FAR1: variants seen among roughly 807,000 people sequenced by gnomAD.
FAR1 encodes the protein fatty acyl-CoA reductase 1.
Under a neutral mutation model 61.1 loss-of-function variants are expected in FAR1, and 22 were observed. The observed-to-expected ratio is 0.36, with a 90% CI of 0.26 to 0.51. The LOEUF (loss-of-function observed/expected upper bound fraction) is 0.51. Ranked by LOEUF, FAR1 falls within the 20% of genes least tolerant of loss-of-function variation. FAR1 has a pLI of 0.95. For missense variants in FAR1, 359 were observed against 626.9 expected (o/e 0.57, Z 4.56); for synonymous variants, 206 against 209.7 (o/e 0.98, Z 0.15).
rs1591274601 is a variant in FAR1, at chr11:13,727,691, T to A, written c.1385+8T>A. The A allele has an allele frequency of 6.3e-7, 1 of 1,593,342 alleles. No individual in the cohort carries two copies. Reference sequence around the variant, plus strand: ...CAGAAAACATCTGAACAAGTGAGTTTGATGCATGGATTTGATTGCTTCTTG... The same window carrying A: ...CAGAAAACATCTGAACAAGTGAGTTAGATGCATGGATTTGATTGCTTCTTG... On this transcript the variant is annotated splice_region_variant and intron_variant, in intron 11 of 11. Transcript: ENST00000354817.
At chr11:13,671,849 T>C (rs1383102972) in intron 1 of FAR1, among the ~76,000 whole-genome samples, 1 of 152,180 alleles carries the variant, frequency 6.6e-6, no homozygotes, top group Non-Finnish European at 1.5e-5. Flanking sequence ...GTGTTCAATA[T>C]TGACAAGAAA....
chr11:13,676,384 CT>C (rs960625374), intron 1 of FAR1, among the ~76,000 whole-genome samples: 6 of 152,056 alleles, frequency 3.9e-5, no homozygotes, highest in East Asian at 1.9e-4. Flanking sequence ...GCATAAATAC[CT>C]TTTTTTCCCC....
chr11:13,679,010 G>A lies in FAR1; in HGVS notation c.-8+10204G>A, dbSNP rs1591254533. ...TATGTAGTATATATGTAGTGTTCAG[G>A]GTAAATATGGTATGTTTTCCTATAA... On this transcript the variant is annotated intron_variant, in intron 1 of 11. Coordinates refer to ENST00000354817, the MANE Select transcript of FAR1 (RefSeq NM_032228.6). Among the ~76,000 whole-genome samples the A allele has an allele frequency of 3.3e-5, 5 of 152,110 alleles. No individual in the cohort carries two copies. In the East Asian group the frequency reaches 9.6e-4, roughly 29 times the overall value.
At chr11:13,719,568 A>T (rs1015541514) in intron 9 of FAR1, among the ~76,000 whole-genome samples, 5 of 152,202 alleles carry the variant, frequency 3.3e-5, no homozygotes, top group African/African-American at 7.2e-5. Context: ...GACATTTTTT[A>T]AAAAATGGCT....
chr11:13,724,341 T>C (rs1848646103), intron 10 of FAR1, among the ~76,000 whole-genome samples: 1 of 151,336 alleles, frequency 6.6e-6, no homozygotes, highest in Admixed American at 6.6e-5. Flanking sequence ...AGCTCAGGAG[T>C]TCGAGACCAG....
intron 2 of FAR1, among the ~76,000 whole-genome samples, chr11:13,697,012 T>C (rs1160147021): frequency 1.3e-5 from 2 of 152,212 alleles, no homozygotes. Flanking sequence ...ATCAGCAGCA[T>C]TCCTGGCCTC....
chr11:13,727,879 C>T (rs148685171), intron 11 of FAR1, among the ~76,000 whole-genome samples, 196 bp downstream of exon 11: 5 of 151,968 alleles, frequency 3.3e-5, no homozygotes, highest in African/African-American at 1.2e-4. Flanking sequence ...TATTATCCCT[C>T]TCATGCCTCA....
At chr11:13,683,826 A>ATAT (rs1051890963) in intron 1 of FAR1, among the ~76,000 whole-genome samples, 4 of 152,218 alleles carry the variant, frequency 2.6e-5, no homozygotes, top group African/African-American at 9.6e-5. Context: ...TAATGGTTAG[A>ATAT]TATTCAATTT....
At chr11:13,676,901 A>G (rs1181573188) in intron 1 of FAR1, among the ~76,000 whole-genome samples, 4 of 152,242 alleles carry the variant, frequency 2.6e-5, no homozygotes, top group Non-Finnish European at 5.9e-5. Flanking sequence ...GTAAAAATAC[A>G]GACTGTGAAA....
At chr11:13,711,638 A>G in intron 5 of FAR1, 126 bp from the exon 6 acceptor site, 2 of 723,434 alleles carry the variant, frequency 2.8e-6, no homozygotes, top group Non-Finnish European at 4.8e-6. Flanking sequence ...GCCTGAATCT[A>G]GTCTGTTTTT....
chr11:13,723,398 T>C, intron 10 of FAR1: 1 of 415,604 alleles, frequency 2.4e-6, no homozygotes, highest in Admixed American at 3.1e-5. Context: ...AAAAAAAAAC[T>C]TTTTTATTTA....
At chr11:13,719,655 C>A (rs562888381) in intron 9 of FAR1, among the ~76,000 whole-genome samples, 1 of 152,244 alleles carries the variant, frequency 6.6e-6, no homozygotes, top group East Asian at 1.9e-4. Flanking sequence ...TATTTTTAAT[C>A]TGTGTACTTC....
At chr11:13,710,974 A>G in intron 5 of FAR1, 104 bp downstream of exon 5, 2 of 984,230 alleles carry the variant, frequency 2.0e-6, no homozygotes, top group Non-Finnish European at 3.0e-6. Context: ...ATTATTTACT[A>G]AAGGTGAATT....
chr11:13,672,447 T>C (rs991277205), intron 1 of FAR1, among the ~76,000 whole-genome samples: 7 of 151,314 alleles, frequency 4.6e-5, no homozygotes, highest in African/African-American at 1.7e-4. Flanking sequence ...TCCCAGCTAC[T>C]TGGGGGGCTG....
intron 1 of FAR1, among the ~76,000 whole-genome samples, chr11:13,691,380 G>A (rs1252077531): frequency 1.3e-5 from 2 of 152,138 alleles, no homozygotes; most frequent in African/African-American, 4.8e-5. Context: ...AATTTTGGAG[G>A]GGACACATTC....
chr11:13,714,483 G>A, intron 8 of FAR1, 26 bp from the exon 9 acceptor site: 2 of 1,576,430 alleles, frequency 1.3e-6, no homozygotes, highest in Non-Finnish European at 1.7e-6. Flanking sequence ...TATTATCAAA[G>A]CTGTTACACA....
intron 1 of FAR1, among the ~76,000 whole-genome samples, chr11:13,688,309 C>A (rs530841313): frequency 6.6e-6 from 1 of 151,962 alleles, no homozygotes; most frequent in South Asian, 2.1e-4. Flanking sequence ...TTGTTAATAG[C>A]TTTGAAAGAA....
chr11:13,690,431 T>C (rs1848236895), intron 1 of FAR1, among the ~76,000 whole-genome samples: 1 of 152,222 alleles, frequency 6.6e-6, no homozygotes, highest in Non-Finnish European at 1.5e-5. Flanking sequence ...TTATGTTCTG[T>C]TTAAGAAATG....
chr11:13,679,428 T>C (rs1236332159), intron 1 of FAR1, among the ~76,000 whole-genome samples: 2 of 152,148 alleles, frequency 1.3e-5, no homozygotes, highest in Non-Finnish European at 2.9e-5. Context: ...GACTGTTTTT[T>C]CCCCCTCCAA....
Sources: allele counts gnomAD v4.1 joint callset (sites outside exome capture counted in the v4.1 genomes callset), GRCh38; gene constraint gnomAD v4.1.1; transcripts MANE v1.5; gene names NCBI Gene and HGNC (gene_info 2026-07-23, HGNC 2026-07-21).